PRKCE: variants seen among roughly 807,000 people sequenced by gnomAD.
The protein encoded by PRKCE is protein kinase C epsilon type.
A neutral mutation model predicts 85.4 loss-of-function variants in PRKCE; 16 were observed. The observed-to-expected ratio is 0.19, with a 90% CI of 0.13 to 0.28. PRKCE has a LOEUF of 0.28. Ranked by LOEUF, PRKCE falls within the 10% of genes least tolerant of loss-of-function variation. The pLI is 1.00. For synonymous variants in PRKCE, 388 were observed against 371.5 expected (o/e 1.04, Z -0.51); for missense variants, 573 against 975.2 (o/e 0.59, Z 5.49).
intron 8 of PRKCE, 111 bp from the exon 9 acceptor site, chr2:46,007,351 G>A: frequency 1.9e-6 from 2 of 1,057,076 alleles, no homozygotes; most frequent in Non-Finnish European, 2.8e-6. Flanking sequence ...CTGTTGTGAA[G>A]AACCAGAAAG....
chr2:45,835,121 T>C (rs1690750558), intron 1 of PRKCE, among the ~76,000 whole-genome samples: 1 of 152,244 alleles, frequency 6.6e-6, no homozygotes, highest in African/African-American at 2.4e-5. Context: ...AGATGTGCTG[T>C]TGAAAAACTC....
At chr2:46,013,619 C>T (rs112778101) in intron 10 of PRKCE, among the ~76,000 whole-genome samples, 1 of 152,154 alleles carries the variant, frequency 6.6e-6, no homozygotes, top group Non-Finnish European at 1.5e-5. Flanking sequence ...CACCTTAAAC[C>T]TGGTTTCCAC....
At chr2:45,753,798 T>C (rs1380412891) in intron 1 of PRKCE, among the ~76,000 whole-genome samples, 1 of 152,196 alleles carries the variant, frequency 6.6e-6, no homozygotes, top group Non-Finnish European at 1.5e-5. Context: ...CTAAAGCCAA[T>C]CCCAGACATC....
chr2:46,069,372 C>T (rs573553764), intron 10 of PRKCE, among the ~76,000 whole-genome samples: 5 of 151,856 alleles, frequency 3.3e-5, no homozygotes, highest in African/African-American at 4.8e-5. Context: ...ATATGGTATG[C>T]GTCTAAAATA....
At chr2:45,941,065 T>TAAAAAA (rs397781944) in intron 2 of PRKCE, among the ~76,000 whole-genome samples, 9 of 67,156 alleles carry the variant, frequency 1.3e-4, no homozygotes, top group Admixed American at 2.4e-4. Context: ...GACTTCATCC[T>TAAAAAA]AAAAAAAAAA....
chr2:45,984,572 G>A lies in PRKCE; in HGVS notation c.715G>A (p.Val239Ile), dbSNP rs1703160005. The A allele has an allele frequency of 2.5e-6, 4 of 1,599,718 alleles. No individual in the cohort carries two copies. The highest frequency in any genetic ancestry group is 2.2e-5 in the East Asian group (1 of 44,884). Reference sequence around the variant, plus strand: ...GCAGGTGGGCTCCCAGCGGTTCAGCGTCAACATGCCCCACAAGTTCGGTAT... The same window carrying A: ...GCAGGTGGGCTCCCAGCGGTTCAGCATCAACATGCCCCACAAGTTCGGTAT... ...PDQVGSQRFS[V>I]NMPHKFGIHN... Residue 239 changes from valine (V) to isoleucine (I), a missense_variant, in exon 6 of 15, where the codon GTC becomes ATC. By Grantham distance (29) the Val-to-Ile change is conservative. Coordinates refer to ENST00000306156, the MANE Select transcript of PRKCE (RefSeq NM_005400.3).
intron 5 of PRKCE, among the ~76,000 whole-genome samples, chr2:45,982,700 C>T (rs1702990509): frequency 6.6e-6 from 1 of 152,186 alleles, no homozygotes; most frequent in Non-Finnish European, 1.5e-5. Context: ...TTGTGTTGGT[C>T]TCTTGGTCAG....
chr2:45,943,332 C>T (rs1286827077), intron 2 of PRKCE, among the ~76,000 whole-genome samples: 2 of 152,248 alleles, frequency 1.3e-5, no homozygotes, highest in Non-Finnish European at 2.9e-5. Context: ...ACCATAGCGT[C>T]TAAGCCAGCA....
At chr2:45,756,161 G>A (rs189581456) in intron 1 of PRKCE, among the ~76,000 whole-genome samples, 4 of 152,258 alleles carry the variant, frequency 2.6e-5, no homozygotes, top group African/African-American at 7.2e-5. Context: ...AGACTGATGG[G>A]GATGAGTCAG....
intron 1 of PRKCE, among the ~76,000 whole-genome samples, chr2:45,728,523 A>C (rs894015543): frequency 6.6e-6 from 1 of 152,094 alleles, no homozygotes; most frequent in African/African-American, 2.4e-5. Flanking sequence ...TGCAAGTGCT[A>C]TTGGGTGTCA....
intron 11 of PRKCE, among the ~76,000 whole-genome samples, chr2:46,115,047 G>A (rs1314783465): frequency 6.6e-6 from 1 of 152,192 alleles, no homozygotes; most frequent in Non-Finnish European, 1.5e-5. Flanking sequence ...TCTCCTGAGT[G>A]GCCCTCCACA....
At chr2:45,975,771 T>G (rs982488934) in intron 2 of PRKCE, among the ~76,000 whole-genome samples, 1 of 152,186 alleles carries the variant, frequency 6.6e-6, no homozygotes, top group Non-Finnish European at 1.5e-5. Flanking sequence ...AGTGGGATCT[T>G]TACAGCCCAT....
rs1328683122 is a variant in PRKCE at position 45,669,760 on chromosome 2, C to T, written c.348+17312C>T. Among the ~76,000 whole-genome samples the T allele has an allele frequency of 2.0e-5, 3 of 152,236 alleles. No individual in the cohort carries two copies. The East Asian group carries it at 5.8e-4, about 29-fold the overall frequency. On this transcript the variant is annotated intron_variant, in intron 1 of 14. Coordinates refer to ENST00000306156, the MANE Select transcript of PRKCE (RefSeq NM_005400.3). ...GCATGGTGGCTCATGCCTGTAATTC[C>T]AGAACTTGGGGAGGCCAAGGTGGGC...
chr2:46,060,915 C>T (rs1470350842), intron 10 of PRKCE, among the ~76,000 whole-genome samples: 1 of 151,746 alleles, frequency 6.6e-6, no homozygotes, highest in African/African-American at 2.4e-5. Context: ...GCGCACGCCA[C>T]CACACCTGGC....
chr2:45,833,664 C>T (rs1401349329), intron 1 of PRKCE, among the ~76,000 whole-genome samples: 1 of 152,202 alleles, frequency 6.6e-6, no homozygotes, highest in African/African-American at 2.4e-5. Context: ...AAAACCTTTA[C>T]TTTCAATCTC....
chr2:46,010,623 G>A, intron 10 of PRKCE, 106 bp downstream of exon 10: 1 of 1,599,234 alleles, frequency 6.3e-7, no homozygotes, highest in Non-Finnish European at 8.5e-7. Flanking sequence ...ACTTTGTAAA[G>A]TGGGATGGGT....
At chr2:45,860,231 A>G (rs1480927164) in intron 2 of PRKCE, among the ~76,000 whole-genome samples, 1 of 152,234 alleles carries the variant, frequency 6.6e-6, no homozygotes, top group Non-Finnish European at 1.5e-5. Context: ...ACTGAATCAG[A>G]GGTGTTAATA....
chr2:46,145,377 G>A lies in PRKCE; in HGVS notation c.1731+146G>A. On this transcript the variant is annotated intron_variant, in intron 12 of 14. Transcript: ENST00000306156. The surrounding 1 kb of genome is among the most constrained non-coding windows in gnomAD (Gnocchi z 4.6). ...TCTAGGAAGGAGGGAGAAAAGGAAAGGAAAAAAGTTTGCTGATTGATGTCT... is the reference window on the plus strand; with the variant it reads ...TCTAGGAAGGAGGGAGAAAAGGAAAAGAAAAAAGTTTGCTGATTGATGTCT... The A allele has an allele frequency of 6.0e-6, 7 of 1,165,822 alleles. No individual in the cohort carries two copies. The highest frequency in any genetic ancestry group is 4.8e-5 in the Admixed American group (2 of 41,980). The allele number at this position is 1,165,822 out of a possible 1,614,324, so 72.2% of individuals were successfully genotyped here.
At chr2:45,943,776 G>A (rs1700046690) in intron 2 of PRKCE, among the ~76,000 whole-genome samples, 1 of 152,204 alleles carries the variant, frequency 6.6e-6, no homozygotes, top group South Asian at 2.1e-4. Flanking sequence ...TGTCAGGAGA[G>A]TTCCCAGTTT....
Sources: allele counts gnomAD v4.1 joint callset (sites outside exome capture counted in the v4.1 genomes callset), GRCh38; gene constraint gnomAD v4.1.1; non-coding constraint Gnocchi (gnomAD v3.1); transcripts MANE v1.5; gene names NCBI Gene and HGNC (gene_info 2026-07-23, HGNC 2026-07-21).